The following FBXO34 variants were observed in gnomAD, a reference collection of about 807,000 sequenced individuals.
The protein encoded by FBXO34 is F-box protein 34.
A neutral mutation model predicts 24.5 loss-of-function variants in FBXO34; 12 were observed. That is an observed-to-expected ratio of 0.49 (90% CI 0.31 to 0.79). FBXO34 has a LOEUF of 0.79. Among genes scored for constraint, FBXO34 ranks in the 30% least tolerant of loss-of-function variants. The pLI is 0.04. For missense variants in FBXO34, 823 were observed against 857.7 expected, an observed-to-expected ratio of 0.96 and a Z score of 0.51; for synonymous variants, 320 against 311.9, an observed-to-expected ratio of 1.03 and a Z score of -0.27.
At chr14:55,442,118 G>A in the FBXO34 span, among the ~76,000 whole-genome samples, 1 of 151,572 alleles carries the variant, frequency 6.6e-6, no homozygotes, top group Non-Finnish European at 1.5e-5. Context: ...CCCGGGTGTG[G>A]TGGGTCATGT....
At position 55,331,703 on chromosome 14, in the gene FBXO34, ATG is replaced by A. The variant is rs1231154252; in HGVS notation, c.-10-18676_-10-18675del. On this transcript the variant is annotated intron_variant, in intron 1 of 1. Transcript: ENST00000313833. Reference sequence around the variant, plus strand: ...TATATATGTGTATATATATATATATATGTATATATATATGTATATATATATGT... The same window carrying A: ...TATATATGTGTATATATATATATATATATATATATATGTATATATATATGT... Among the ~76,000 whole-genome samples, 95 of 63,172 alleles carry A rather than the reference ATG, an allele frequency of 1.5e-3. 7 individuals are homozygous for A. The highest frequency in any genetic ancestry group is 8.0e-3 in the African/African-American group (49 of 6,094). 41.4% of individuals were successfully genotyped at this position (63,172 alleles called of 152,430 possible). A position where few individuals can be genotyped will look rare whatever the true frequency, so the allele number is the denominator to read the frequency against.
the FBXO34 span, among the ~76,000 whole-genome samples, chr14:55,396,269 C>G: frequency 1.3e-5 from 2 of 152,116 alleles, no homozygotes; most frequent in Non-Finnish European, 2.9e-5. Context: ...AACTGCCATC[C>G]GTCATAATTC....
chr14:55,405,670 G>T, the FBXO34 span, among the ~76,000 whole-genome samples: 2 of 152,228 alleles, frequency 1.3e-5, no homozygotes, highest in African/African-American at 4.8e-5. Context: ...CTGGGTAGCA[G>T]TGCTATTTCT....
the FBXO34 span, among the ~76,000 whole-genome samples, chr14:55,402,957 ATATATATAT>A: frequency 2.1e-3 from 162 of 76,178 alleles, 2 homozygotes; most frequent in Non-Finnish European, 3.8e-3. Context: ...ATATATATAT[ATATATATAT>A]ATAAATAGCT....
chr14:55,280,942 C>A (rs1301322059), intron 1 of FBXO34, among the ~76,000 whole-genome samples: 3 of 151,976 alleles, frequency 2.0e-5, no homozygotes, highest in Non-Finnish European at 4.4e-5. Flanking sequence ...TGTAATTTAC[C>A]ATTTTCTAGT....
chr14:55,301,027 A>T (rs568710810), intron 1 of FBXO34, among the ~76,000 whole-genome samples: 8 of 152,354 alleles, frequency 5.3e-5, no homozygotes, highest in Admixed American at 4.6e-4. Flanking sequence ...GTAAAGGAGA[A>T]TTTGTAAGGT....
chr14:55,435,847 C>A, the FBXO34 span: 1 of 1,555,016 alleles, frequency 6.4e-7, no homozygotes, highest in South Asian at 1.2e-5. Context: ...GAAATGTTAC[C>A]TTTGGGTTAT....
At chr14:55,424,256 GT>G in the FBXO34 span, 5 of 1,600,200 alleles carry the variant, frequency 3.1e-6, no homozygotes, top group Non-Finnish European at 2.6e-6. Context: ...GCTCGTAACT[GT>G]TAAGATGTAA....
At chr14:55,438,469 G>A in the FBXO34 span, among the ~76,000 whole-genome samples, 15 of 152,256 alleles carry the variant, frequency 9.9e-5, no homozygotes, top group East Asian at 2.9e-3. Context: ...TTCCACTGCA[G>A]GGTTTCCTTG....
the FBXO34 span, among the ~76,000 whole-genome samples, chr14:55,441,915 A>C: frequency 1.3e-5 from 2 of 151,516 alleles, no homozygotes; most frequent in Non-Finnish European, 2.9e-5. Context: ...GGTGCCTGCC[A>C]CCATGCCCAG....
intron 1 of FBXO34, among the ~76,000 whole-genome samples, chr14:55,310,883 T>C (rs762767990): frequency 4.6e-5 from 7 of 152,136 alleles, no homozygotes; most frequent in Non-Finnish European, 1.0e-4. Flanking sequence ...ATCTGAACTG[T>C]TTTATAAACT....
At chr14:55,436,795 G>A in the FBXO34 span, 3 of 1,614,214 alleles carry the variant, frequency 1.9e-6, no homozygotes, top group Non-Finnish European at 2.5e-6. Context: ...TTGGCTTTCA[G>A]AATTTTCTTC....
chr14:55,306,215 A>G (rs1882539959), intron 1 of FBXO34, among the ~76,000 whole-genome samples: 1 of 152,238 alleles, frequency 6.6e-6, no homozygotes, highest in South Asian at 2.1e-4. Context: ...CTTCATTATG[A>G]TTAGGGAAAA....
chr14:55,380,694 CAGTAAG>C, the FBXO34 span: 1 of 1,584,144 alleles, frequency 6.3e-7, no homozygotes, highest in Non-Finnish European at 8.6e-7. Flanking sequence ...TCCATGTCTG[CAGTAAG>C]AAAACAACCA....
chr14:55,426,721 A>AG, the FBXO34 span, among the ~76,000 whole-genome samples: 8 of 151,992 alleles, frequency 5.3e-5, no homozygotes, highest in Non-Finnish European at 1.0e-4. Context: ...ATTAAAAAAA[A>AG]AAAAAGAAAA....
At chr14:55,313,821 C>T (rs1882833830) in intron 1 of FBXO34, among the ~76,000 whole-genome samples, 2 of 152,152 alleles carry the variant, frequency 1.3e-5, no homozygotes, top group South Asian at 4.1e-4. Context: ...CTGCTCCCTC[C>T]CTTGACATGC....
chr14:55,362,373 T>C (rs764845757), downstream of FBXO34, among the ~76,000 whole-genome samples: 1 of 152,150 alleles, frequency 6.6e-6, no homozygotes, highest in Non-Finnish European at 1.5e-5. Context: ...ATTTGAAATA[T>C]TGTGAGAATT....
chr14:55,419,546 A>G, the FBXO34 span, among the ~76,000 whole-genome samples: 2 of 152,194 alleles, frequency 1.3e-5, no homozygotes, highest in Non-Finnish European at 2.9e-5. Flanking sequence ...GAACAGTGTA[A>G]GCTGGGCCCA....
downstream of FBXO34, chr14:55,369,732 T>C: frequency 6.2e-7 from 1 of 1,613,846 alleles, no homozygotes; most frequent in Non-Finnish European, 8.5e-7. Flanking sequence ...GTGCTCTGAC[T>C]CTGGGAGACT....
Sources: gnomAD v4.1 joint callset for allele counts (sites outside exome capture counted in the v4.1 genomes callset) on GRCh38, gnomAD v4.1.1 for gene constraint, MANE v1.5 for transcripts, NCBI Gene and HGNC (gene_info 2026-07-23, HGNC 2026-07-21) for gene names.